The following FBXW11 variants were observed in gnomAD, a reference collection of about 807,000 sequenced individuals.
FBXW11 encodes the protein F-box/WD repeat-containing protein 11.
FBXW11 carries 19 observed loss-of-function variants against 77.6 expected under a neutral mutation model. The ratio of observed to expected loss-of-function variants is 0.24; its 90% CI spans 0.17 to 0.36. The LOEUF is 0.36. Ranked by LOEUF, FBXW11 falls within the 10% of genes least tolerant of loss-of-function variation. The pLI, the probability that FBXW11 is intolerant of heterozygous loss-of-function variation, is 1.00. For missense variants in FBXW11, 334 were observed against 704.2 expected (o/e 0.47, Z 5.95); for synonymous variants, 235 against 249.4 (o/e 0.94, Z 0.54).
intron 1 of FBXW11, among the ~76,000 whole-genome samples, chr5:171,997,226 C>T (rs1300007322): frequency 1.3e-5 from 2 of 152,228 alleles, no homozygotes; most frequent in Non-Finnish European, 2.9e-5. Flanking sequence ...TTCCTCACCT[C>T]TGTGTTGAAA....
intron 1 of FBXW11, among the ~76,000 whole-genome samples, chr5:171,959,087 G>A (rs9313565): frequency 0.82 from 122,980 of 150,090 alleles, 51,285 homozygotes; most frequent in East Asian, 0.98. Flanking sequence ...GTTCACCTAT[G>A]ATACACGGAA....
intron 6 of FBXW11, among the ~76,000 whole-genome samples, chr5:171,895,484 G>A (rs1169670485): frequency 3.3e-5 from 5 of 152,192 alleles, no homozygotes; most frequent in African/African-American, 9.7e-5. Flanking sequence ...ATTAAAAGGT[G>A]TGATACAACA....
intron 1 of FBXW11, chr5:171,997,114 C>T (rs1210043053): frequency 4.0e-6 from 5 of 1,257,142 alleles, no homozygotes; most frequent in African/African-American, 1.5e-5. Flanking sequence ...GGACAGCCTC[C>T]AAGAAATGGA....
intron 1 of FBXW11, among the ~76,000 whole-genome samples, chr5:171,982,177 G>A (rs1765183038): frequency 1.3e-5 from 2 of 152,130 alleles, no homozygotes; most frequent in Non-Finnish European, 2.9e-5. Context: ...CCATAATAAA[G>A]CTGATTAAAT....
At chr5:171,971,052 C>T (rs913361036) in intron 1 of FBXW11, among the ~76,000 whole-genome samples, 2 of 152,138 alleles carry the variant, frequency 1.3e-5, no homozygotes, top group Non-Finnish European at 2.9e-5. Flanking sequence ...CAAGGAATTT[C>T]GCTAAATGCT....
intron 2 of FBXW11, among the ~76,000 whole-genome samples, chr5:171,956,132 G>A (rs1048074985): frequency 6.6e-6 from 1 of 152,066 alleles, no homozygotes; most frequent in Non-Finnish European, 1.5e-5. Context: ...AAAAGCAACT[G>A]TAACATTCCT....
At chr5:171,970,973 T>C (rs1400724272) in intron 1 of FBXW11, among the ~76,000 whole-genome samples, 6 of 152,184 alleles carry the variant, frequency 3.9e-5, no homozygotes, top group Non-Finnish European at 4.4e-5. Flanking sequence ...AGCAAGGATG[T>C]CTTTGATTCC....
chr5:171,886,219 A>C (rs1319880812), intron 7 of FBXW11, among the ~76,000 whole-genome samples: 2 of 152,266 alleles, frequency 1.3e-5, no homozygotes, highest in African/African-American at 4.8e-5. Context: ...GACTGGATTA[A>C]GAAAATGGAA....
At chr5:171,871,771 A>ATT (rs1250041766) in intron 10 of FBXW11, among the ~76,000 whole-genome samples, 1 of 152,236 alleles carries the variant, frequency 6.6e-6, no homozygotes, top group Admixed American at 6.5e-5. Flanking sequence ...ATTTTATTAC[A>ATT]GCTGCCCTTA....
At chr5:171,916,528 C>G (rs1332927267) in intron 2 of FBXW11, 4 of 881,524 alleles carry the variant, frequency 4.5e-6, no homozygotes, top group Non-Finnish European at 2.7e-6. Flanking sequence ...GTAAGTAATT[C>G]TGAATGGGAT....
chr5:171,988,438 C>G (rs1478448906), intron 1 of FBXW11, among the ~76,000 whole-genome samples: 2 of 152,094 alleles, frequency 1.3e-5, no homozygotes, highest in African/African-American at 2.4e-5. Flanking sequence ...ACAATCTGAG[C>G]ATTAGCAAAG....
At chr5:171,887,201 A>G (rs1011322022) in intron 7 of FBXW11, among the ~76,000 whole-genome samples, 5 of 152,144 alleles carry the variant, frequency 3.3e-5, no homozygotes, top group Non-Finnish European at 5.9e-5. Flanking sequence ...CTTGGAGGGC[A>G]TTATTATTCT....
intron 6 of FBXW11, among the ~76,000 whole-genome samples, chr5:171,898,301 T>A (rs187852969): frequency 6.6e-6 from 1 of 152,198 alleles, no homozygotes; most frequent in Non-Finnish European, 1.5e-5. Flanking sequence ...TAAAGTTTTC[T>A]GCCAAGGAGG....
At chr5:171,899,559 A>T (rs1011311661) in intron 5 of FBXW11, among the ~76,000 whole-genome samples, 10 of 152,226 alleles carry the variant, frequency 6.6e-5, no homozygotes, top group African/African-American at 2.4e-4. Context: ...TTCCTCAACC[A>T]GCAGTAATAA....
Position 171,876,671 on chromosome 5 carries a change from T to A in FBXW11, c.972-137A>T. ...CTACCAAATCTCATGTTGAAATTGA[T>A]CCTCAATGTTGGAGGTGGGGCCTGG... is the stretch of plus-strand genomic sequence containing the variant. On this transcript the variant is annotated intron_variant, in intron 8 of 13. Transcript: ENST00000517395. The surrounding 1 kb of genome is among the most constrained non-coding windows in gnomAD (Gnocchi z 4.2). 3.4e-6 allele frequency: 4 copies of A among 1,173,152 alleles called. No homozygotes were observed. The South Asian group carries it at 6.0e-5, about 18-fold the overall frequency. 72.7% of individuals were successfully genotyped at this position (1,173,152 alleles called of 1,614,324 possible). A position where few individuals can be genotyped will look rare whatever the true frequency, so the allele number is the denominator to read the frequency against.
chr5:171,946,981 A>G (rs1163569255), intron 2 of FBXW11, among the ~76,000 whole-genome samples: 1 of 151,638 alleles, frequency 6.6e-6, no homozygotes, highest in Admixed American at 6.6e-5. Context: ...CGCCTGGCTA[A>G]TTTTTGTATT....
chr5:171,938,926 C>T (rs1178021669), intron 2 of FBXW11, among the ~76,000 whole-genome samples: 18 of 152,116 alleles, frequency 1.2e-4, no homozygotes, highest in Admixed American at 7.9e-4. Context: ...CTGTATACTA[C>T]CTTTTGTGTA....
In FBXW11 at chr5:171,904,628, G is replaced by C. The variant is rs1230529228; in HGVS notation, c.437-4528C>G. Among the ~76,000 whole-genome samples, 1 of 152,130 alleles carries C rather than the reference G, an allele frequency of 6.6e-6. No individual in the cohort carries two copies. The highest frequency in any genetic ancestry group is 1.5e-5 in the Non-Finnish European group (1 of 68,024). On this transcript the variant is annotated intron_variant, in intron 4 of 13. Coordinates refer to ENST00000517395, the MANE Select transcript of FBXW11 (RefSeq NM_001378974.1). The surrounding 1 kb of genome is among the most constrained non-coding windows in gnomAD (Gnocchi z 4.0). ...CACTCTGTCGCCAGTATGGAGTGCAGTGGTGGGATCTCAGCTCACTGCAAC... is the reference window on the plus strand; with the variant it reads ...CACTCTGTCGCCAGTATGGAGTGCACTGGTGGGATCTCAGCTCACTGCAAC...
At chr5:171,936,568 C>A (rs530758210) in intron 2 of FBXW11, among the ~76,000 whole-genome samples, 21 of 147,672 alleles carry the variant, frequency 1.4e-4, no homozygotes, top group Admixed American at 9.4e-4. Context: ...AAAATACAAA[C>A]CTCTCTATAA....
Sources: allele counts gnomAD v4.1 joint callset (sites outside exome capture counted in the v4.1 genomes callset), GRCh38; gene constraint gnomAD v4.1.1; non-coding constraint Gnocchi (gnomAD v3.1); transcripts MANE v1.5; gene names NCBI Gene and HGNC (gene_info 2026-07-23, HGNC 2026-07-21).